CFAP221: variants seen among roughly 807,000 people sequenced by gnomAD.
CFAP221 encodes the protein cilia- and flagella-associated protein 221.
Under a neutral mutation model 113.1 loss-of-function variants are expected in CFAP221, and 97 were observed. The observed-to-expected ratio is 0.86, with a 90% CI of 0.73 to 1.02. The LOEUF (loss-of-function observed/expected upper bound fraction) is 1.02. Ranked by LOEUF, CFAP221 falls within the 50% of genes least tolerant of loss-of-function variation. The pLI, the probability that CFAP221 is intolerant of heterozygous loss-of-function variation, is 0.00. For missense variants in CFAP221, 1,025 were observed against 1,013.4 expected (o/e 1.01, Z -0.16); for synonymous variants, 331 against 354.4 (o/e 0.93, Z 0.74).
At chr2:119,611,573 T>C (rs1685169334) in intron 12 of CFAP221, 80 bp from the exon 13 acceptor site, 3 of 1,311,786 alleles carry the variant, frequency 2.3e-6, no homozygotes, top group Non-Finnish European at 3.2e-6. Flanking sequence ...AATTGCTTAA[T>C]GGGTTTCTAC....
At chr2:119,553,980 G>A (rs1482067711) in intron 3 of CFAP221, among the ~76,000 whole-genome samples, 1 of 152,162 alleles carries the variant, frequency 6.6e-6, no homozygotes, top group Admixed American at 6.5e-5. Context: ...AGTCTAGGTG[G>A]TCATACTGCT....
At chr2:119,559,902 C>T in intron 4 of CFAP221, 26 bp from the exon 5 acceptor site, 1 of 1,524,002 alleles carries the variant, frequency 6.6e-7, no homozygotes, top group Non-Finnish European at 8.8e-7. Context: ...GGGGCTTGTC[C>T]CAACAAGATG....
Position 119,629,939 on chromosome 2 carries a change from C to T in CFAP221, c.1715C>T (p.Ser572Phe). 1 of 1,612,422 alleles carries T rather than the reference C, an allele frequency of 6.2e-7. No individual in the cohort carries two copies. The highest frequency in any genetic ancestry group is 1.1e-5 in the South Asian group (1 of 90,986). Residue 572 changes from serine to phenylalanine, a missense_variant, in exon 17 of 24, where the codon TCC becomes TTC. Ser to Phe is a radical substitution (Grantham distance 155). Transcript: ENST00000413369. ...SSEVQIKQSY[S>F]FFNLQVPQLY... is the part of the protein sequence containing the mutation. ...GAAGTTCAAATCAAGCAGAGTTATT[C>T]CTTCTTCAATCTGCAGGTCAGACCT...
intron 14 of CFAP221, among the ~76,000 whole-genome samples, chr2:119,616,656 C>T (rs913591359): frequency 1.3e-5 from 2 of 152,172 alleles, no homozygotes; most frequent in African/African-American, 2.4e-5. Flanking sequence ...ACTGTCCTCT[C>T]GTTGTCCCAG....
rs185475282 is a variant in CFAP221, at chr2:119,559,720, G to A, written c.272G>A (p.Arg91His). Residue 91 changes from arginine to histidine, a missense_variant, in exon 4 of 24, where the codon CGT becomes CAT. Physicochemically the swap from Arg to His is conservative, Grantham distance 29. Coordinates refer to ENST00000413369, the MANE Select transcript of CFAP221 (RefSeq NM_001271049.2). ...GTCAATGTTTCCAATGAAGACACAC[G>A]TGTTCATATTTTACCCCCGCAAACC... ...HLVNVSNEDTRVHILPPQTKY... is the reference protein window; with the variant it reads ...HLVNVSNEDTHVHILPPQTKY... 20 of 1,532,286 alleles carry A rather than the reference G, an allele frequency of 1.3e-5. No homozygotes were observed. Among genetic ancestry groups the A allele is most frequent in the Middle Eastern group, 1.7e-4 (1 of 5,982 alleles). The allele number at this position is 1,532,286 out of a possible 1,614,324, so 94.9% of individuals were successfully genotyped here. A position where few individuals can be genotyped will look rare whatever the true frequency, so the allele number is the denominator to read the frequency against.
chr2:119,639,831 C>G lies in CFAP221; in HGVS notation c.2184C>G (p.Leu728=). The G allele has an allele frequency of 6.2e-7, 1 of 1,614,178 alleles. No individual in the cohort carries two copies. The highest frequency in any genetic ancestry group is 1.1e-5 in the South Asian group (1 of 91,080). ...MHWKSFQSLV[L]SSLPDPSKME... ...GGAAAAGCTTCCAGTCCCTGGTTCT[C>G]TCCTCCCTGCCGGACCCCTCCAAGA... The change falls in exon 21 of 24, where the codon CTC becomes CTG. Residue 728 remains leucine (L), a synonymous_variant. Transcript: ENST00000413369.
chr2:119,546,087 C>T lies in CFAP221; in HGVS notation c.-45C>T, dbSNP rs1388231530. On this transcript the variant is annotated splice_region_variant and 5_prime_UTR_variant, in exon 2 of 24. Coordinates refer to ENST00000413369, the MANE Select transcript of CFAP221 (RefSeq NM_001271049.2). Reference sequence around the variant, plus strand: ...TACTGCTGCTCTTTCCTCCCCAGGACATGACCTTTGGCTCTAAAAAGAAGA... The same window carrying T: ...TACTGCTGCTCTTTCCTCCCCAGGATATGACCTTTGGCTCTAAAAAGAAGA... The T allele has an allele frequency of 2.0e-6, 3 of 1,505,084 alleles. No homozygotes were observed. Among genetic ancestry groups the T allele is most frequent in the South Asian group, 2.6e-5 (2 of 77,854 alleles). 93.2% of individuals were successfully genotyped at this position (1,505,084 alleles called of 1,614,324 possible). A position where few individuals can be genotyped will look rare whatever the true frequency, so the allele number is the denominator to read the frequency against.
chr2:119,582,950 A>G (rs1228072351), intron 6 of CFAP221, among the ~76,000 whole-genome samples: 1 of 152,208 alleles, frequency 6.6e-6, no homozygotes, highest in Non-Finnish European at 1.5e-5. Context: ...AAGTTCAAAT[A>G]TATCTATTAT....
chr2:119,577,487 G>T (rs144607682), intron 6 of CFAP221, among the ~76,000 whole-genome samples: 1 of 152,156 alleles, frequency 6.6e-6, no homozygotes, highest in African/African-American at 2.4e-5. Context: ...TGTAAACAAC[G>T]CAATGCCAGG....
intron 7 of CFAP221, among the ~76,000 whole-genome samples, chr2:119,591,229 C>G (rs532042015): frequency 1.6e-4 from 25 of 152,248 alleles, no homozygotes; most frequent in African/African-American, 5.8e-4. Flanking sequence ...AAAAGATTTT[C>G]CAAAGCACCA....
intron 6 of CFAP221, among the ~76,000 whole-genome samples, chr2:119,562,445 A>G (rs913169532): frequency 4.6e-5 from 7 of 152,090 alleles, no homozygotes; most frequent in African/African-American, 1.7e-4. Context: ...CTTGCGCTTC[A>G]TTCTCAACAG....
chr2:119,644,257 T>C (rs1286179902), intron 21 of CFAP221, among the ~76,000 whole-genome samples: 1 of 152,212 alleles, frequency 6.6e-6, no homozygotes, highest in East Asian at 1.9e-4. Context: ...TAAATGAATA[T>C]ATTTAACACA....
intron 21 of CFAP221, among the ~76,000 whole-genome samples, chr2:119,646,240 C>T (rs974506569): frequency 6.6e-6 from 1 of 152,166 alleles, no homozygotes; most frequent in African/African-American, 2.4e-5. Context: ...CTGTATTAGC[C>T]TGTTCTCTCA....
chr2:119,554,216 A>T (rs1235792075), intron 3 of CFAP221, among the ~76,000 whole-genome samples: 1 of 152,240 alleles, frequency 6.6e-6, no homozygotes, highest in Non-Finnish European at 1.5e-5. Context: ...GAATGGAATG[A>T]CTGAATGTGT....
intron 12 of CFAP221, among the ~76,000 whole-genome samples, chr2:119,611,095 A>C (rs1054647668): frequency 6.6e-6 from 1 of 152,064 alleles, no homozygotes; most frequent in Non-Finnish European, 1.5e-5. Context: ...TCCACCACCC[A>C]GGAGAAGGAA....
At chr2:119,651,756 C>T (rs1295308443) in intron 22 of CFAP221, among the ~76,000 whole-genome samples, 2 of 152,122 alleles carry the variant, frequency 1.3e-5, no homozygotes, top group African/African-American at 4.8e-5. Context: ...ACTTTTTATT[C>T]TCTGGTTATA....
At chr2:119,651,454 GAC>G (rs1396155015) in intron 22 of CFAP221, among the ~76,000 whole-genome samples, 1 of 150,308 alleles carries the variant, frequency 6.7e-6, no homozygotes, top group Non-Finnish European at 1.5e-5. Context: ...AAAGTTTACT[GAC>G]CCCTGGCTCT....
At chr2:119,608,374 A>C in intron 11 of CFAP221, 128 bp from the exon 12 acceptor site, 1 of 603,190 alleles carries the variant, frequency 1.7e-6, no homozygotes, top group Non-Finnish European at 2.8e-6. Flanking sequence ...TAACTTCTCT[A>C]TCCCATGTGT....
chr2:119,616,960 C>G (rs946420074), intron 14 of CFAP221, among the ~76,000 whole-genome samples: 1 of 152,208 alleles, frequency 6.6e-6, no homozygotes, highest in African/African-American at 2.4e-5. Flanking sequence ...GTGGATAAAG[C>G]CTGGGCTGTG....
Sources: gnomAD v4.1 joint callset for allele counts (sites outside exome capture counted in the v4.1 genomes callset) on GRCh38, gnomAD v4.1.1 for gene constraint, MANE v1.5 for transcripts, NCBI Gene and HGNC (gene_info 2026-07-23, HGNC 2026-07-21) for gene names.